Variants in SHISAL2A observed in about 807,000 individuals in gnomAD.
SHISAL2A encodes shisa like 2A.
SHISAL2A carries 18 observed loss-of-function variants against 11.5 expected under a neutral mutation model. That is an observed-to-expected ratio of 1.57 (90% CI 1.08 to 2.33). SHISAL2A has a LOEUF of 2.33. SHISAL2A is among the 30% of genes most tolerant of loss of function. The pLI is 0.00. For missense variants in SHISAL2A, 261 were observed against 250.9 expected, an observed-to-expected ratio of 1.04 and a Z score of -0.27; for synonymous variants, 94 against 99.6, an observed-to-expected ratio of 0.94 and a Z score of 0.34.
chr1:52,656,741 C>G, intron 2 of SHISAL2A, 49 bp from the exon 3 acceptor site: 2 of 1,555,330 alleles, frequency 1.3e-6, no homozygotes, highest in Non-Finnish European at 1.7e-6. Flanking sequence ...GGAGTGTGAT[C>G]CTGTTGGGGA....
At chr1:52,649,583 G>C (rs1285795411) in intron 2 of SHISAL2A, among the ~76,000 whole-genome samples, 2 of 152,170 alleles carry the variant, frequency 1.3e-5, no homozygotes, top group Admixed American at 6.5e-5. Context: ...ACTTGGGATG[G>C]CAATGAAGAC....
intron 2 of SHISAL2A, among the ~76,000 whole-genome samples, chr1:52,648,169 T>TA (rs1235397090): frequency 2.7e-5 from 4 of 149,944 alleles, no homozygotes; most frequent in Admixed American, 6.7e-5. Context: ...ATTGTTAGTT[T>TA]TATATATATA....
At chr1:52,640,474 A>G (rs1691338125) in intron 1 of SHISAL2A, among the ~76,000 whole-genome samples, 1 of 152,086 alleles carries the variant, frequency 6.6e-6, no homozygotes, top group African/African-American at 2.4e-5. Flanking sequence ...CTGATTAAAC[A>G]TGGTCTTGGC....
intron 1 of SHISAL2A, among the ~76,000 whole-genome samples, chr1:52,634,833 G>A (rs1365104741): frequency 1.3e-5 from 2 of 152,146 alleles, no homozygotes. Flanking sequence ...CTATCAAACG[G>A]GCAGTAGGAT....
intron 2 of SHISAL2A, among the ~76,000 whole-genome samples, chr1:52,649,232 T>A (rs1691571093): frequency 6.6e-6 from 1 of 152,204 alleles, no homozygotes. Flanking sequence ...TAGACTTTCA[T>A]TTCTGTTTGC....
At chr1:52,639,824 T>G (rs1318340901) in intron 1 of SHISAL2A, among the ~76,000 whole-genome samples, 2 of 152,142 alleles carry the variant, frequency 1.3e-5, no homozygotes, top group Non-Finnish European at 2.9e-5. Flanking sequence ...GGTCTTGCTC[T>G]GTCACCTAGG....
At chr1:52,652,948 A>G (rs1434108142) in intron 2 of SHISAL2A, among the ~76,000 whole-genome samples, 2 of 119,982 alleles carry the variant, frequency 1.7e-5, no homozygotes, top group Non-Finnish European at 3.3e-5. Context: ...CCTGGGTGAC[A>G]GAGTGAGACT....
chr1:52,649,543 C>G (rs896731531), intron 2 of SHISAL2A, among the ~76,000 whole-genome samples: 1 of 152,178 alleles, frequency 6.6e-6, no homozygotes. Context: ...GTACTCTGTC[C>G]CATCACCGTC....
At chr1:52,668,804 A>T (rs1692058120) in exon 6 of SHISAL2A, 1 of 152,242 alleles carries the variant, frequency 6.6e-6, no homozygotes, top group African/African-American at 2.4e-5. Flanking sequence ...GATCTGGCCT[A>T]CCCTGCTCCT....
intron 1 of SHISAL2A, among the ~76,000 whole-genome samples, chr1:52,637,722 G>A (rs1368591132): frequency 6.6e-6 from 1 of 152,212 alleles, no homozygotes; most frequent in African/African-American, 2.4e-5. Context: ...GAAAATGAAG[G>A]TCAGAGTGGT....
chr1:52,662,318 GTCAACTT>G (rs1245431192), intron 4 of SHISAL2A, among the ~76,000 whole-genome samples: 1 of 151,796 alleles, frequency 6.6e-6, no homozygotes. Context: ...ATTCTATCCT[GTCAACTT>G]TCTATTTTAT....
intron 4 of SHISAL2A, among the ~76,000 whole-genome samples, chr1:52,664,853 A>G (rs905675998): frequency 6.6e-6 from 1 of 152,136 alleles, no homozygotes; most frequent in Non-Finnish European, 1.5e-5. Context: ...CAGTGGTGCA[A>G]TCATGGCTCA....
intron 2 of SHISAL2A, among the ~76,000 whole-genome samples, chr1:52,651,060 C>G (rs1691633595): frequency 6.6e-6 from 1 of 151,130 alleles, no homozygotes; most frequent in African/African-American, 2.4e-5. Context: ...GGTCTGGAAG[C>G]AAAGGAGTGA....
intron 1 of SHISAL2A, 147 bp from the exon 2 acceptor site, chr1:52,642,716 G>T: frequency 1.2e-6 from 1 of 825,902 alleles, no homozygotes; most frequent in South Asian, 1.7e-5. Flanking sequence ...GGGCCACTAT[G>T]CCTGGCCTAA....
intron 2 of SHISAL2A, among the ~76,000 whole-genome samples, chr1:52,650,406 T>C (rs1051721196): frequency 2.0e-5 from 3 of 152,166 alleles, no homozygotes; most frequent in African/African-American, 7.2e-5. Flanking sequence ...CTGCTGTCAG[T>C]GTGTGGCCTT....
At chr1:52,657,422 G>C (rs559967805), downstream of SHISAL2A, among the ~76,000 whole-genome samples, 19 of 152,260 alleles carry the variant, frequency 1.2e-4, no homozygotes, top group African/African-American at 3.4e-4. Context: ...TGCCTCTTCA[G>C]CAGCTCTGCC....
rs56655042 is a variant in SHISAL2A at position 52,645,396 on chromosome 1, CGTTTTGTTTT to C, written c.322+2414_322+2423del. 1.8e-3 allele frequency among the ~76,000 whole-genome samples: 275 copies of C among 150,286 alleles called. 5 individuals are homozygous for C. The South Asian group carries it at 0.028, about 15-fold the overall frequency. Reference sequence around the variant, plus strand: ...AGACCAGAGACAACTGAGGCTTCAACGTTTTGTTTTGTTTTGTTTTGTTTTGTTTGAGACA... The same window carrying C: ...AGACCAGAGACAACTGAGGCTTCAACGTTTTGTTTTGTTTTGTTTGAGACA... On this transcript the variant is annotated intron_variant, in intron 2 of 2. Transcript: ENST00000517870.
chr1:52,645,649 T>C (rs943181189), intron 2 of SHISAL2A, among the ~76,000 whole-genome samples: 1 of 152,188 alleles, frequency 6.6e-6, no homozygotes, highest in Admixed American at 6.5e-5. Context: ...CCTCAAGCAA[T>C]CCACCTGCCT....
intron 1 of SHISAL2A, among the ~76,000 whole-genome samples, chr1:52,634,763 C>T (rs1364296340): frequency 6.6e-6 from 1 of 152,170 alleles, no homozygotes; most frequent in African/African-American, 2.4e-5. Flanking sequence ...CTGCTGCCCT[C>T]TGGGTGGGAA....
Sources: allele counts gnomAD v4.1 joint callset (sites outside exome capture counted in the v4.1 genomes callset), GRCh38; gene constraint gnomAD v4.1.1; transcripts MANE v1.5; gene names NCBI Gene and HGNC (gene_info 2026-07-23, HGNC 2026-07-21).